MYO16: variants seen among roughly 807,000 people sequenced by gnomAD.
The protein encoded by MYO16 is myosin XVI.
A neutral mutation model predicts 205.3 loss-of-function variants in MYO16; 94 were observed. That is an observed-to-expected ratio of 0.46 (90% CI 0.39 to 0.54). The LOEUF (loss-of-function observed/expected upper bound fraction) is 0.54, where lower values mean the gene tolerates loss of function less well. MYO16 is among the 20% of genes least tolerant of loss of function. The probability of loss-of-function intolerance (pLI) is 0.00; values close to 1 mark genes in which losing one functional copy is unlikely to be tolerated. For synonymous variants in MYO16, 988 were observed against 954.0 expected, an observed-to-expected ratio of 1.04 and a Z score of -0.66; for missense variants, 2,315 against 2,387.5, an observed-to-expected ratio of 0.97 and a Z score of 0.63.
intron 20 of MYO16, among the ~76,000 whole-genome samples, chr13:108,971,388 A>G (rs1290019522): frequency 6.8e-6 from 1 of 146,744 alleles, no homozygotes; most frequent in Non-Finnish European, 1.5e-5. Flanking sequence ...CATATAATCT[A>G]CATGTATGTG....
At chr13:108,694,942 G>A (rs370481771) in intron 2 of MYO16, among the ~76,000 whole-genome samples, 9 of 151,946 alleles carry the variant, frequency 5.9e-5, no homozygotes, top group South Asian at 2.1e-4. Context: ...GAGAAACCCC[G>A]TCTCTACTAA....
chr13:108,650,637 A>T (rs2139399998), intron 1 of MYO16, among the ~76,000 whole-genome samples: 1 of 152,284 alleles, frequency 6.6e-6, no homozygotes, highest in South Asian at 2.1e-4. Flanking sequence ...AACCAAAGAG[A>T]ACTTCTCTTT....
chr13:108,653,229 A>T (rs576440037), intron 1 of MYO16, among the ~76,000 whole-genome samples: 2 of 152,116 alleles, frequency 1.3e-5, no homozygotes, highest in African/African-American at 4.8e-5. Context: ...ATTTTTAATC[A>T]GATTATTTGA....
At chr13:108,794,569 C>G (rs1400389041) in intron 6 of MYO16, among the ~76,000 whole-genome samples, 1 of 152,146 alleles carries the variant, frequency 6.6e-6, no homozygotes, top group East Asian at 1.9e-4. Context: ...AAGCAAACTC[C>G]TGTCATTACT....
At chr13:108,959,217 GTTTTTCTCCTTTA>G (rs1883491469) in intron 17 of MYO16, among the ~76,000 whole-genome samples, 1 of 3,510 alleles carries the variant, frequency 2.8e-4, no homozygotes, top group South Asian at 0.023. Context: ...CCCGGCCTCT[GTTTTTCTCCTTTA>G]GTTTTTCTCC....
At chr13:108,702,102 A>C (rs1203654624) in intron 2 of MYO16, among the ~76,000 whole-genome samples, 1 of 152,180 alleles carries the variant, frequency 6.6e-6, no homozygotes, top group Non-Finnish European at 1.5e-5. Context: ...ATGGAGTCAC[A>C]GATGAGAGGA....
the MYO16 span, among the ~76,000 whole-genome samples, chr13:108,573,458 T>C: frequency 6.6e-6 from 1 of 152,240 alleles, no homozygotes; most frequent in Non-Finnish European, 1.5e-5. Flanking sequence ...ATAATTTGCA[T>C]ATGCAACATT....
At position 108,981,362 on chromosome 13, in the gene MYO16, G is replaced by A. The variant is rs138288725; in HGVS notation, c.2370-11014G>A. Among the ~76,000 whole-genome samples, 280 of 152,350 alleles carry A rather than the reference G, an allele frequency of 1.8e-3. 1 individual carries two copies. The Middle Eastern group carries it at 0.034, about 19-fold the overall frequency. On this transcript the variant is annotated intron_variant, in intron 20 of 34. Coordinates refer to ENST00000457511, the MANE Select transcript of MYO16 (RefSeq NM_001198950.3). ...GTGTCATGTGGTAAACTGCAAAAAAGTGATCCCAATTTTTATTAGTCTGTG... is the reference window on the plus strand; with the variant it reads ...GTGTCATGTGGTAAACTGCAAAAAAATGATCCCAATTTTTATTAGTCTGTG...
chr13:108,657,023 C>T (rs74871962), intron 1 of MYO16, among the ~76,000 whole-genome samples: 17 of 152,326 alleles, frequency 1.1e-4, no homozygotes, highest in Admixed American at 5.2e-4. Context: ...AAGGCACATA[C>T]GCCTGCTGCA....
At chr13:108,547,823 T>C in the MYO16 span, among the ~76,000 whole-genome samples, 1 of 152,238 alleles carries the variant, frequency 6.6e-6, no homozygotes, top group Admixed American at 6.5e-5. Context: ...TCAGTGTGCA[T>C]ACTGATTAAT....
intron 1 of MYO16, among the ~76,000 whole-genome samples, chr13:108,654,102 GT>G (rs1881136904): frequency 6.6e-6 from 1 of 151,904 alleles, no homozygotes; most frequent in Admixed American, 6.6e-5. Flanking sequence ...ATGGGATGGG[GT>G]TAGGGTATTC....
At chr13:108,929,400 T>A (rs1882150776) in intron 16 of MYO16, among the ~76,000 whole-genome samples, 1 of 152,296 alleles carries the variant, frequency 6.6e-6, no homozygotes, top group East Asian at 1.9e-4. Flanking sequence ...AGGTACCATT[T>A]CACAATGAAA....
chr13:108,632,982 G>C (rs1302729163), intron 1 of MYO16, among the ~76,000 whole-genome samples: 1 of 152,120 alleles, frequency 6.6e-6, no homozygotes, highest in Non-Finnish European at 1.5e-5. Context: ...GTGCCTCTGG[G>C]GGTGAAGCAT....
chr13:108,611,982 T>C (rs532783821), intron 1 of MYO16, among the ~76,000 whole-genome samples: 16 of 139,972 alleles, frequency 1.1e-4, no homozygotes, highest in Admixed American at 5.0e-4. Flanking sequence ...CTTTTTTTTT[T>C]TTTTTTTTTT....
Position 109,125,497 on chromosome 13 carries a change from G to T in MYO16, c.3782+139G>T. The T allele has an allele frequency of 8.7e-7, 1 of 1,153,118 alleles. No individual in the cohort carries two copies. The highest frequency in any genetic ancestry group is 1.2e-6 in the Non-Finnish European group (1 of 822,924). 71.4% of individuals were successfully genotyped at this position (1,153,118 alleles called of 1,614,324 possible). ...AACAGGCATGCGTGGTTTGTTATTC[G>T]AAATGGCAGCAGTCTAAAAAGATGC... is the stretch of plus-strand genomic sequence containing the variant. On this transcript the variant is annotated intron_variant, in intron 30 of 34. Transcript: ENST00000457511. The surrounding 1 kb of genome is among the most constrained non-coding windows in gnomAD (Gnocchi z 4.0).
intron 23 of MYO16, among the ~76,000 whole-genome samples, chr13:109,045,974 A>AC (rs756589399): frequency 0.033 from 5,010 of 151,832 alleles, 130 homozygotes; most frequent in South Asian, 0.055. Context: ...ACTCTCCCTC[A>AC]GGCGAGGAGG....
intron 16 of MYO16, among the ~76,000 whole-genome samples, chr13:108,928,151 C>T (rs1289606393): frequency 1.3e-5 from 2 of 152,154 alleles, no homozygotes; most frequent in Non-Finnish European, 2.9e-5. Context: ...ATGGGAGCAG[C>T]TTCCATGAAA....
chr13:108,547,041 C>A, the MYO16 span, among the ~76,000 whole-genome samples: 1 of 151,962 alleles, frequency 6.6e-6, no homozygotes, highest in African/African-American at 2.4e-5. Flanking sequence ...GGGAGGCCGA[C>A]GTGGGTGGAT....
chr13:108,944,378 C>A (rs1421151803), intron 16 of MYO16, among the ~76,000 whole-genome samples: 1 of 152,176 alleles, frequency 6.6e-6, no homozygotes, highest in Non-Finnish European at 1.5e-5. Context: ...AAGGGAAGGG[C>A]ACTCTCAACT....
Sources: gnomAD v4.1 joint callset for allele counts (sites outside exome capture counted in the v4.1 genomes callset) on GRCh38, gnomAD v4.1.1 for gene constraint, Gnocchi (gnomAD v3.1) non-coding constraint, MANE v1.5 for transcripts, NCBI Gene and HGNC (gene_info 2026-07-23, HGNC 2026-07-21) for gene names.